The following FBXO17 variants were observed in gnomAD, a reference collection of about 807,000 sequenced individuals.
FBXO17 encodes F-box protein 17.
A neutral mutation model predicts 34.1 loss-of-function variants in FBXO17; 43 were observed. The observed-to-expected ratio is 1.26, with a 90% confidence interval of 0.99 to 1.62. FBXO17 has a LOEUF of 1.62. Among genes scored for constraint, FBXO17 ranks in the 40% most tolerant of loss-of-function variants. The probability of loss-of-function intolerance (pLI) is 0.00; values close to 1 mark genes in which losing one functional copy is unlikely to be tolerated. For synonymous variants in FBXO17, 169 were observed against 166.0 expected (o/e 1.02, Z -0.14); for missense variants, 424 against 386.7 (o/e 1.10, Z -0.81).
At position 38,961,457 on chromosome 19, in the gene FBXO17, G is replaced by T. The variant is rs924905921; in HGVS notation, c.-17-11121C>A. Among the ~76,000 whole-genome samples, 7 of 151,412 alleles carry T rather than the reference G, an allele frequency of 4.6e-5. 1 individual carries two copies. The highest frequency in any genetic ancestry group is 2.6e-4 in the Admixed American group (4 of 15,176). On this transcript the variant is annotated intron_variant, in intron 1 of 5. Transcript: ENST00000292852. Reference sequence around the variant, plus strand: ...CACCCAGCTAATTTTTATATTTTCAGTAGTGATGGGATTTCACATGTTAGC... The same window carrying T: ...CACCCAGCTAATTTTTATATTTTCATTAGTGATGGGATTTCACATGTTAGC...
chr19:38,963,440 G>A (rs181616469), intron 1 of FBXO17, among the ~76,000 whole-genome samples: 3 of 151,928 alleles, frequency 2.0e-5, no homozygotes, highest in Non-Finnish European at 2.9e-5. Context: ...GACCACAGGT[G>A]CACCCCACCA....
chr19:38,966,293 T>TGTGTGTGTGTG (rs1975319597), intron 1 of FBXO17, among the ~76,000 whole-genome samples: 4 of 143,054 alleles, frequency 2.8e-5, no homozygotes, highest in Non-Finnish European at 3.0e-5. Flanking sequence ...ATTAAAAATT[T>TGTGTGTGTGTG]TGTGTGTGTG....
In FBXO17 at chr19:38,950,253, G is replaced by A. The variant is rs925595114; in HGVS notation, c.67C>T (p.Pro23Ser). Residue 23 changes from proline (P) to serine (S), a missense_variant, in exon 2 of 6, where the codon CCG becomes TCG. Transcript: ENST00000292852. ...DPSLALDALP[P>S]ELLVQVLSHV... ...CTCAGCACCTGCACCAGCAGCTCCG[G>A]GGGCAGCGCGTCCAGGGCCAGGGAT... The A allele has an allele frequency of 4.0e-6, 6 of 1,512,012 alleles. No homozygotes were observed. The highest frequency in any genetic ancestry group is 5.3e-6 in the Non-Finnish European group (6 of 1,138,002). The allele number at this position is 1,512,012 out of a possible 1,614,324, so 93.7% of individuals were successfully genotyped here. A position where few individuals can be genotyped will look rare whatever the true frequency, so the allele number is the denominator to read the frequency against.
chr19:38,942,155 C>T lies in FBXO17; in HGVS notation c.*453G>A, dbSNP rs1023347875. 2 of 152,470 alleles carry T rather than the reference C, an allele frequency of 1.3e-5. No individual in the cohort carries two copies. The highest frequency in any genetic ancestry group is 6.5e-5 in the Admixed American group (1 of 15,280). The allele number at this position is 152,470 out of a possible 1,614,324, so 9.4% of individuals were successfully genotyped here. On this transcript the variant is annotated 3_prime_UTR_variant, in exon 6 of 6. Transcript: ENST00000292852. Reference sequence around the variant, plus strand: ...TTGTCACACAGCATGATGGCCACCACACTGAAGCAGCAGCAAGCAGATTCA... The same window carrying T: ...TTGTCACACAGCATGATGGCCACCATACTGAAGCAGCAGCAAGCAGATTCA...
At chr19:38,949,157 A>G (rs561188015) in intron 2 of FBXO17, among the ~76,000 whole-genome samples, 2 of 152,232 alleles carry the variant, frequency 1.3e-5, no homozygotes, top group Admixed American at 1.3e-4. Flanking sequence ...GCTGGAGTGC[A>G]ATGGCATGAT....
chr19:38,961,282 C>CTTTTTTT (rs113778086), intron 1 of FBXO17, among the ~76,000 whole-genome samples: 42 of 142,510 alleles, frequency 2.9e-4, no homozygotes, highest in East Asian at 1.0e-3. Flanking sequence ...GATTTTAAAT[C>CTTTTTTT]TTTTTTTTTT....
intron 2 of FBXO17, chr19:38,949,760 T>C (rs374583144): frequency 6.9e-5 from 43 of 627,468 alleles, no homozygotes; most frequent in African/African-American, 5.6e-4. Flanking sequence ...CTTCCTGCCT[T>C]GCCCCGCCCA....
chr19:38,952,487 G>C (rs1327638285), intron 1 of FBXO17: 2 of 529,290 alleles, frequency 3.8e-6, no homozygotes, highest in Non-Finnish European at 7.8e-6. Context: ...TTCCAAGTGG[G>C]GAGGTCTCCG....
intron 5 of FBXO17, among the ~76,000 whole-genome samples, chr19:38,943,416 G>A (rs1191919044): frequency 2.0e-5 from 3 of 150,522 alleles, no homozygotes; most frequent in Non-Finnish European, 4.4e-5. Flanking sequence ...TGGGATTACA[G>A]GCGCGCACCA....
intron 1 of FBXO17, among the ~76,000 whole-genome samples, chr19:38,959,083 T>A (rs1019481731): frequency 4.0e-5 from 6 of 150,834 alleles, no homozygotes; most frequent in South Asian, 2.1e-4. Flanking sequence ...TGTTTTATAT[T>A]TTTTTTTTCT....
At chr19:38,956,815 GGTTGCAGTGAGC>G (rs1181232890) in intron 1 of FBXO17, among the ~76,000 whole-genome samples, 1 of 152,120 alleles carries the variant, frequency 6.6e-6, no homozygotes, top group Admixed American at 6.6e-5. Context: ...GGGAGGTGGA[GGTTGCAGTGAGC>G]CAAGATCATG....
Position 38,942,606 on chromosome 19 carries a change from C to A in FBXO17, c.*2G>T. 1.3e-6 allele frequency: 2 copies of A among 1,568,470 alleles called. No individual in the cohort carries two copies. The highest frequency in any genetic ancestry group is 1.2e-5 in the South Asian group (1 of 83,808). ...TGACAACGTCAGGCAGTAGTCCAGT[C>A]GCTAGGACAGACGGATCCTGACCCT... On this transcript the variant is annotated 3_prime_UTR_variant, in exon 6 of 6. Coordinates refer to ENST00000292852, the MANE Select transcript of FBXO17 (RefSeq NM_024907.7).
chr19:38,944,544 G>A (rs975958828), intron 5 of FBXO17, among the ~76,000 whole-genome samples: 2 of 152,138 alleles, frequency 1.3e-5, no homozygotes, highest in African/African-American at 2.4e-5. Flanking sequence ...GTGCCCAGCC[G>A]AAACATTTAC....
chr19:38,973,128 A>C lies in FBXO17; in HGVS notation c.-18+2458T>G, dbSNP rs953370662. On this transcript the variant is annotated intron_variant, in intron 1 of 5. Transcript: ENST00000292852. ...GGTGGCTCACGCTTGTAATTCCAGC[A>C]CTTTGGGAGGCCAACGCGGGTGGAT... Among the ~76,000 whole-genome samples, 4 of 151,708 alleles carry C rather than the reference A, an allele frequency of 2.6e-5. No homozygotes were observed. In the South Asian group the frequency reaches 8.4e-4, roughly 32 times the overall value.
intron 1 of FBXO17, among the ~76,000 whole-genome samples, chr19:38,970,858 T>C (rs111694100): frequency 9.2e-5 from 14 of 152,182 alleles, no homozygotes; most frequent in African/African-American, 3.4e-4. Flanking sequence ...CCCAGCACTT[T>C]GGGAGGTCAA....
intron 1 of FBXO17, among the ~76,000 whole-genome samples, chr19:38,959,771 T>G (rs1975221548): frequency 6.6e-6 from 1 of 151,874 alleles, no homozygotes; most frequent in Non-Finnish European, 1.5e-5. Flanking sequence ...TGGTGTACAC[T>G]TGTAGTACCA....
chr19:38,944,878 A>G, intron 5 of FBXO17, 91 bp downstream of exon 5: 3 of 1,540,554 alleles, frequency 1.9e-6, no homozygotes, highest in Non-Finnish European at 2.6e-6. Flanking sequence ...ATAGATATCC[A>G]GGAGTGACAG....
rs1974896990 is a variant in FBXO17 at position 38,942,166 on chromosome 19, C to CAGCA, written c.*438_*441dup. 1 of 152,512 alleles carries CAGCA rather than the reference C, an allele frequency of 6.6e-6. No individual in the cohort carries two copies. Among genetic ancestry groups the CAGCA allele is most frequent in the African/African-American group, 2.4e-5 (1 of 41,412 alleles). 9.4% of individuals were successfully genotyped at this position (152,512 alleles called of 1,614,324 possible). A position where few individuals can be genotyped will look rare whatever the true frequency, so the allele number is the denominator to read the frequency against. On this transcript the variant is annotated 3_prime_UTR_variant, in exon 6 of 6. Coordinates refer to ENST00000292852, the MANE Select transcript of FBXO17 (RefSeq NM_024907.7). Reference sequence around the variant, plus strand: ...CATGATGGCCACCACACTGAAGCAGCAGCAAGCAGATTCATGGAAGGTGTG... The same window carrying CAGCA: ...CATGATGGCCACCACACTGAAGCAGCAGCAAGCAAGCAGATTCATGGAAGGTGTG...
At position 38,946,147 on chromosome 19, in the gene FBXO17, C is replaced by T. The variant is rs565881262; in HGVS notation, c.557+325G>A. 4.0e-4 allele frequency: 159 copies of T among 399,660 alleles called. 2 individuals carry two copies. The South Asian group carries it at 4.6e-3, about 12-fold the overall frequency. 24.8% of individuals were successfully genotyped at this position (399,660 alleles called of 1,614,324 possible). On this transcript the variant is annotated intron_variant, in intron 4 of 5. Transcript: ENST00000292852. Reference sequence around the variant, plus strand: ...GCCTCAGCTCACAGGGCACCATGCTCCCACCCCTTCAGAGACCCTGGGCAT... The same window carrying T: ...GCCTCAGCTCACAGGGCACCATGCTTCCACCCCTTCAGAGACCCTGGGCAT...
Sources: gnomAD v4.1 joint callset for allele counts (sites outside exome capture counted in the v4.1 genomes callset) on GRCh38, gnomAD v4.1.1 for gene constraint, MANE v1.5 for transcripts, NCBI Gene and HGNC (gene_info 2026-07-23, HGNC 2026-07-21) for gene names.